The following DCC variants were observed in gnomAD, a reference collection of about 807,000 sequenced individuals.
DCC encodes netrin receptor DCC.
DCC carries 58 observed loss-of-function variants against 172.5 expected under a neutral mutation model. The observed-to-expected ratio is 0.34, with a 90% CI of 0.27 to 0.42. DCC has a LOEUF of 0.42. DCC is among the 10% of genes least tolerant of loss of function. The pLI is 1.00. For synonymous variants in DCC, 709 were observed against 644.5 expected, an observed-to-expected ratio of 1.10 and a Z score of -1.52; for missense variants, 1,740 against 1,791.0, an observed-to-expected ratio of 0.97 and a Z score of 0.51.
At position 52,760,023 on chromosome 18, in the gene DCC, C is replaced by T. The variant is rs75697808; in HGVS notation, c.412+7649C>T. ...GTCTGATTGTTCAAATAATTGTCTG[C>T]ACCTCTGTATGATATTCCTTCCTGT... On this transcript the variant is annotated intron_variant, in intron 2 of 28. Transcript: ENST00000442544. Among the ~76,000 whole-genome samples, 634 of 152,266 alleles carry T rather than the reference C, an allele frequency of 4.2e-3. 2 individuals are homozygous for T. Among genetic ancestry groups the T allele is most frequent in the African/African-American group, 0.014 (584 of 41,564 alleles).
chr18:52,944,649 A>G (rs981480731), intron 5 of DCC, among the ~76,000 whole-genome samples: 2 of 152,230 alleles, frequency 1.3e-5, no homozygotes, highest in African/African-American at 4.8e-5. Flanking sequence ...CATGGGAAAT[A>G]GGTTAGAAAT....
chr18:52,962,724 G>A (rs1175145904), intron 5 of DCC, among the ~76,000 whole-genome samples: 3 of 151,776 alleles, frequency 2.0e-5, no homozygotes, highest in Non-Finnish European at 4.4e-5. Context: ...AACAATGATA[G>A]ACTGGATTAA....
intron 2 of DCC, among the ~76,000 whole-genome samples, chr18:52,883,396 T>A (rs922115991): frequency 8.5e-6 from 1 of 117,734 alleles, no homozygotes; most frequent in Non-Finnish European, 1.8e-5. Flanking sequence ...GTGTGTGAGA[T>A]CTCTTTCTGT....
chr18:53,485,874 G>A (rs1294186238), intron 25 of DCC, among the ~76,000 whole-genome samples: 2 of 151,970 alleles, frequency 1.3e-5, no homozygotes, highest in African/African-American at 4.8e-5. Context: ...AAATGTGCAT[G>A]CATGTATGTG....
At chr18:52,783,321 CTCTTTTTTTTTTTTTT>C (rs2037586067) in intron 2 of DCC, among the ~76,000 whole-genome samples, 3 of 62,122 alleles carry the variant, frequency 4.8e-5, no homozygotes, top group Non-Finnish European at 8.9e-5. Context: ...TATACTACTA[CTCTTTTTTTTTTTTTT>C]TTTTTTTTTT....
At chr18:53,290,892 G>A (rs1413730121) in intron 12 of DCC, among the ~76,000 whole-genome samples, 1 of 152,166 alleles carries the variant, frequency 6.6e-6, no homozygotes, top group Non-Finnish European at 1.5e-5. Context: ...GTTGGGGCCA[G>A]GCACAATGGC....
At chr18:53,012,077 C>G (rs56183156) in intron 5 of DCC, among the ~76,000 whole-genome samples, 49,578 of 151,582 alleles carry the variant, frequency 0.33, 9,156 homozygotes, top group Non-Finnish European at 0.43. Flanking sequence ...AGCTGGTGTG[C>G]ACGTATATTA....
chr18:53,194,520 T>C (rs528153397), intron 9 of DCC, among the ~76,000 whole-genome samples: 4 of 151,996 alleles, frequency 2.6e-5, no homozygotes, highest in Admixed American at 1.3e-4. Flanking sequence ...CAGGCTGGAG[T>C]GTGCAATGGC....
At chr18:52,487,221 T>C (rs1209177145) in intron 1 of DCC, among the ~76,000 whole-genome samples, 1 of 152,034 alleles carries the variant, frequency 6.6e-6, no homozygotes, top group African/African-American at 2.4e-5. Flanking sequence ...CAACAATCAA[T>C]AGTATCACAA....
intron 20 of DCC, among the ~76,000 whole-genome samples, chr18:53,412,014 T>A (rs1267760935): frequency 1.3e-5 from 2 of 152,118 alleles, no homozygotes; most frequent in East Asian, 1.9e-4. Context: ...GAAGATGACT[T>A]AAGGCATCCA....
intron 1 of DCC, among the ~76,000 whole-genome samples, chr18:52,709,590 G>A (rs568261880): frequency 1.3e-5 from 2 of 152,182 alleles, no homozygotes; most frequent in South Asian, 4.1e-4. Flanking sequence ...CAGTGGTGGG[G>A]ATCTTTCAAT....
At chr18:53,500,987 C>A (rs553984343) in intron 27 of DCC, among the ~76,000 whole-genome samples, 91 of 152,256 alleles carry the variant, frequency 6.0e-4, no homozygotes, top group Middle Eastern at 6.8e-3. Flanking sequence ...GAGGCAGAGA[C>A]AACTTGAAGC....
At chr18:52,396,783 G>T (rs1448199229) in intron 1 of DCC, among the ~76,000 whole-genome samples, 3 of 151,912 alleles carry the variant, frequency 2.0e-5, no homozygotes, top group Admixed American at 1.3e-4. Context: ...ATAACGGATG[G>T]GTCATCTCAA....
intron 2 of DCC, among the ~76,000 whole-genome samples, chr18:52,875,215 A>C (rs1002259807): frequency 7.0e-6 from 1 of 142,024 alleles, no homozygotes. Flanking sequence ...AAGTTAAAAC[A>C]CACAACAGCG....
intron 1 of DCC, among the ~76,000 whole-genome samples, chr18:52,627,006 T>C (rs2034586356): frequency 6.6e-6 from 1 of 152,198 alleles, no homozygotes; most frequent in Non-Finnish European, 1.5e-5. Context: ...CCTCTCACAC[T>C]ACCCTCTTCT....
At chr18:53,415,126 C>G in intron 20 of DCC, among the ~76,000 whole-genome samples, 1 of 152,156 alleles carries the variant, frequency 6.6e-6, no homozygotes, top group East Asian at 1.9e-4. Context: ...GGACCACCAC[C>G]TGTAGGGCGT....
At chr18:52,920,275 A>C (rs1284739231) in intron 3 of DCC, among the ~76,000 whole-genome samples, 2 of 152,094 alleles carry the variant, frequency 1.3e-5, no homozygotes, top group East Asian at 3.9e-4. Context: ...AGTAAAAAAC[A>C]ACCCACAGAT....
chr18:53,359,209 A>T (rs2057917855), intron 15 of DCC, among the ~76,000 whole-genome samples: 1 of 152,144 alleles, frequency 6.6e-6, no homozygotes, highest in Non-Finnish European at 1.5e-5. Flanking sequence ...GAGGTTCAAA[A>T]ATTGTGACCC....
At chr18:52,824,731 G>A (rs1036574588) in intron 2 of DCC, among the ~76,000 whole-genome samples, 1 of 152,130 alleles carries the variant, frequency 6.6e-6, no homozygotes, top group Non-Finnish European at 1.5e-5. Flanking sequence ...AGCACTTTGG[G>A]AGGCTGAAGC....
Sources: gnomAD v4.1 joint callset for allele counts (sites outside exome capture counted in the v4.1 genomes callset) on GRCh38, gnomAD v4.1.1 for gene constraint, MANE v1.5 for transcripts, NCBI Gene and HGNC (gene_info 2026-07-23, HGNC 2026-07-21) for gene names.